Variants in B4GALT7 observed in about 807,000 individuals in gnomAD.
The protein encoded by B4GALT7 is beta-1,4-galactosyltransferase 7, also known as UDP-Gal:beta-GlcNAc beta-1,4-galactosyltransferase 7.
Under a neutral mutation model 33.0 loss-of-function variants are expected in B4GALT7, and 30 were observed. The observed-to-expected ratio is 0.91, with a 90% confidence interval of 0.68 to 1.23. The LOEUF is 1.23. Ranked by LOEUF, B4GALT7 falls within the 50% of genes most tolerant of loss-of-function variation. The pLI, the probability that B4GALT7 is intolerant of heterozygous loss-of-function variation, is 0.00. For missense variants in B4GALT7, 507 were observed against 450.8 expected (o/e 1.12, Z -1.13); for synonymous variants, 213 against 187.2 (o/e 1.14, Z -1.13).
chr5:177,608,878 A>AC lies in B4GALT7; in HGVS notation c.724-32_724-31insC, dbSNP rs754015480. ...TGAGGGCTGGGGCTCCAGGAAGGGC[A>AC]GCCTGACCCCGACTTCCTTGGACCT... On this transcript the variant is annotated intron_variant, in intron 4 of 5. Transcript: ENST00000029410. This position sits in a 1 kb window ranked among gnomAD's most constrained non-coding sequence, Gnocchi z 4.1. The AC allele has an allele frequency of 4.4e-6, 7 of 1,581,308 alleles. No individual in the cohort carries two copies. In the African/African-American group the frequency reaches 5.4e-5, roughly 12 times the overall value.
chr5:177,602,792 G>C, intron 1 of B4GALT7: 1 of 982,708 alleles, frequency 1.0e-6, no homozygotes, highest in Non-Finnish European at 1.2e-6. Flanking sequence ...AACAGAGGAG[G>C]GTCATTCAGA....
rs576233647 is a variant in B4GALT7, at chr5:177,603,883, A to C, written c.51-296A>C. Among the ~76,000 whole-genome samples the C allele has an allele frequency of 2.2e-4, 33 of 152,276 alleles. No homozygotes were observed. In the South Asian group the frequency reaches 6.6e-3, roughly 31 times the overall value. ...ATCCTTGCCCTGAGCAGCTCTGACC[A>C]GGACTCAGTCACAGAAAGTAAGAGA... On this transcript the variant is annotated intron_variant, in intron 1 of 5. Coordinates refer to ENST00000029410, the MANE Select transcript of B4GALT7 (RefSeq NM_007255.3).
chr5:177,603,438 G>C, intron 1 of B4GALT7: 1 of 905,854 alleles, frequency 1.1e-6, no homozygotes, highest in Non-Finnish European at 1.3e-6. Flanking sequence ...GTGATGTTCA[G>C]CTGTTTTTCC....
Position 177,604,555 on chromosome 5 carries a change from C to T in B4GALT7, c.413+14C>T, listed in dbSNP as rs979389519. On this transcript the variant is annotated intron_variant, in intron 2 of 5. Transcript: ENST00000029410. Reference sequence around the variant, plus strand: ...GGACCACTTCAGGTAGCGCCCGCCCCCACCCTCTCCCCTCGGCACCCCTGC... The same window carrying T: ...GGACCACTTCAGGTAGCGCCCGCCCTCACCCTCTCCCCTCGGCACCCCTGC... The T allele has an allele frequency of 1.3e-5, 21 of 1,613,504 alleles. No individual in the cohort carries two copies. The highest frequency in any genetic ancestry group is 1.7e-5 in the Non-Finnish European group (20 of 1,179,918).
At chr5:177,603,635 T>G (rs1310342055) in intron 1 of B4GALT7, among the ~76,000 whole-genome samples, 2 of 152,128 alleles carry the variant, frequency 1.3e-5, no homozygotes, top group Non-Finnish European at 2.9e-5. Flanking sequence ...TAAACATTGG[T>G]CATTTTACCT....
rs367814716 is a variant in B4GALT7, at chr5:177,609,768, G to C, written c.*73G>C. 1 of 1,538,564 alleles carries C rather than the reference G, an allele frequency of 6.5e-7. No homozygotes were observed. The highest frequency in any genetic ancestry group is 8.8e-7 in the Non-Finnish European group (1 of 1,137,678). On this transcript the variant is annotated 3_prime_UTR_variant, in exon 6 of 6. Coordinates refer to ENST00000029410, the MANE Select transcript of B4GALT7 (RefSeq NM_007255.3). ...GGCTCAGGACAAGGCCTCAGGTCGT[G>C]GGCCCAGCTCTGACAGGATGTGGAG... is the stretch of plus-strand genomic sequence containing the variant.
At position 177,609,975 on chromosome 5, in the gene B4GALT7, T is replaced by A. The variant is rs963226305; in HGVS notation, c.*280T>A. 3 of 500,700 alleles carry A rather than the reference T, an allele frequency of 6.0e-6. No individual in the cohort carries two copies. The highest frequency in any genetic ancestry group is 1.9e-5 in the African/African-American group (1 of 51,628). The allele number at this position is 500,700 out of a possible 1,614,324, so 31.0% of individuals were successfully genotyped here. A position where few individuals can be genotyped will look rare whatever the true frequency, so the allele number is the denominator to read the frequency against. On this transcript the variant is annotated 3_prime_UTR_variant, in exon 6 of 6. Coordinates refer to ENST00000029410, the MANE Select transcript of B4GALT7 (RefSeq NM_007255.3). ...CCTTCCTGCTCACCCTACTCTGACC[T>A]CCTTCACGTGCCCAGGCCTGTGGGT...
At position 177,604,489 on chromosome 5, in the gene B4GALT7, A is replaced by G; in HGVS notation, c.361A>G (p.Arg121Gly). The G allele has an allele frequency of 1.2e-6, 2 of 1,613,988 alleles. No individual in the cohort carries two copies. The change falls in exon 2 of 6, where the codon AGG (arginine) becomes GGG (glycine). Residue 121 changes from arginine to glycine, a missense_variant. Coordinates refer to ENST00000029410, the MANE Select transcript of B4GALT7 (RefSeq NM_007255.3). The stretch of plus-strand genomic sequence containing the variant: ...GCCCCACATGCGCCGCTTCCTGAGC[A>G]GGAAGAAGATCCGGCACCACATCTA... ...FVPHMRRFLSRKKIRHHIYVL... is the reference protein window; with the variant it reads ...FVPHMRRFLSGKKIRHHIYVL...
chr5:177,608,229 TG>T lies in B4GALT7; in HGVS notation c.640-305del, dbSNP rs1348819470. 1 of 419,572 alleles carries T rather than the reference TG, an allele frequency of 2.4e-6. No individual in the cohort carries two copies. Among genetic ancestry groups the T allele is most frequent in the Non-Finnish European group, 4.4e-6 (1 of 226,360 alleles). The allele number at this position is 419,572 out of a possible 1,614,324, so 26.0% of individuals were successfully genotyped here. ...GCAGGGCCACCAGGAGAAAGGGGAA[TG>T]GGGGAAGCAGAAATCAAGTAGGAGC... On this transcript the variant is annotated intron_variant, in intron 3 of 5. Transcript: ENST00000029410. This position sits in a 1 kb window ranked among gnomAD's most constrained non-coding sequence, Gnocchi z 4.1.
chr5:177,605,252 C>T (rs144355550), intron 2 of B4GALT7: 99 of 338,500 alleles, frequency 2.9e-4, no homozygotes, highest in African/African-American at 1.8e-3. Context: ...TTGCTGCTGG[C>T]GTAATCCCAG....
At chr5:177,601,840 TGA>T (rs1767858764) in intron 1 of B4GALT7, among the ~76,000 whole-genome samples, 1 of 152,106 alleles carries the variant, frequency 6.6e-6, no homozygotes, top group South Asian at 2.1e-4. Context: ...TCCACTGTCC[TGA>T]GGAATTGGGA....
At position 177,600,214 on chromosome 5, in the gene B4GALT7, T is replaced by C; in HGVS notation, c.4T>C (p.Phe2Leu). The C allele has an allele frequency of 2.9e-6, 4 of 1,389,174 alleles. No individual in the cohort carries two copies. The highest frequency in any genetic ancestry group is 3.8e-6 in the Non-Finnish European group (4 of 1,064,972). The allele number at this position is 1,389,174 out of a possible 1,614,324, so 86.1% of individuals were successfully genotyped here. Residue 2 changes from phenylalanine (F) to leucine (L), a missense_variant, in exon 1 of 6, where the codon TTC (phenylalanine) becomes CTC (leucine). By Grantham distance (22) the Phe-to-Leu change is conservative. Coordinates refer to ENST00000029410, the MANE Select transcript of B4GALT7 (RefSeq NM_007255.3). The surrounding 1 kb of genome is among the most constrained non-coding windows in gnomAD (Gnocchi z 4.4). Reference sequence around the variant, plus strand: ...TGCGCCGCCGCCTCTCCGCACGATGTTCCCCTCGCGGAGGAAAGCGGCGCA... The same window carrying C: ...TGCGCCGCCGCCTCTCCGCACGATGCTCCCCTCGCGGAGGAAAGCGGCGCA... MFPSRRKAAQLP... is the reference protein window; with the variant it reads MLPSRRKAAQLP...
chr5:177,609,855 G>A lies in B4GALT7; in HGVS notation c.*160G>A. ...CCACCCGGCCGCCAAGGCAGGCTTGGGCTGGGCCAGGACACGTGGGGTGCC... is the reference window on the plus strand; with the variant it reads ...CCACCCGGCCGCCAAGGCAGGCTTGAGCTGGGCCAGGACACGTGGGGTGCC... On this transcript the variant is annotated 3_prime_UTR_variant, in exon 6 of 6. Coordinates refer to ENST00000029410, the MANE Select transcript of B4GALT7 (RefSeq NM_007255.3). 1.1e-6 allele frequency: 1 copy of A among 944,094 alleles called. No homozygotes were observed. Among genetic ancestry groups the A allele is most frequent in the Non-Finnish European group, 1.6e-6 (1 of 624,902 alleles). The allele number at this position is 944,094 out of a possible 1,614,324, so 58.5% of individuals were successfully genotyped here. A position where few individuals can be genotyped will look rare whatever the true frequency, so the allele number is the denominator to read the frequency against.
chr5:177,603,647 G>T (rs533158394), intron 1 of B4GALT7, among the ~76,000 whole-genome samples: 22 of 152,108 alleles, frequency 1.4e-4, no homozygotes, highest in Non-Finnish European at 2.6e-4. Flanking sequence ...ATTTTACCTG[G>T]ACTAATGCCA....
chr5:177,610,034 A>C lies in B4GALT7; in HGVS notation c.*339A>C, dbSNP rs954682369. 1 of 368,270 alleles carries C rather than the reference A, an allele frequency of 2.7e-6. No homozygotes were observed. The highest frequency in any genetic ancestry group is 5.2e-6 in the Non-Finnish European group (1 of 191,306). 22.8% of individuals were successfully genotyped at this position (368,270 alleles called of 1,614,324 possible). A position where few individuals can be genotyped will look rare whatever the true frequency, so the allele number is the denominator to read the frequency against. On this transcript the variant is annotated 3_prime_UTR_variant, in exon 6 of 6. Transcript: ENST00000029410. ...GGGCTGAACAGGACAACCTCTCATC[A>C]CCCCCACTTTTGTTCCTTCCTGCTG...
Position 177,608,673 on chromosome 5 carries a change from G to T in B4GALT7, c.723+51G>T. On this transcript the variant is annotated intron_variant, in intron 4 of 5. Coordinates refer to ENST00000029410, the MANE Select transcript of B4GALT7 (RefSeq NM_007255.3). The surrounding 1 kb of genome is among the most constrained non-coding windows in gnomAD (Gnocchi z 4.1). ...ACCTCAGCTGCGGTGGCTGCCCTGAGATTTTCTTCTGTTTCCTCAGATGAA... is the reference window on the plus strand; with the variant it reads ...ACCTCAGCTGCGGTGGCTGCCCTGATATTTTCTTCTGTTTCCTCAGATGAA... The T allele has an allele frequency of 6.5e-7, 1 of 1,546,406 alleles. No homozygotes were observed. The highest frequency in any genetic ancestry group is 1.1e-5 in the South Asian group (1 of 89,464).
Position 177,608,872 on chromosome 5 carries a change from A to G in B4GALT7, c.724-38A>G. 1.3e-6 allele frequency: 2 copies of G among 1,561,970 alleles called. No homozygotes were observed. Among genetic ancestry groups the G allele is most frequent in the South Asian group, 2.2e-5 (2 of 89,984 alleles). ...TGGTGGTGAGGGCTGGGGCTCCAGGAAGGGCAGCCTGACCCCGACTTCCTT... is the reference window on the plus strand; with the variant it reads ...TGGTGGTGAGGGCTGGGGCTCCAGGGAGGGCAGCCTGACCCCGACTTCCTT... On this transcript the variant is annotated intron_variant, in intron 4 of 5. Transcript: ENST00000029410. The surrounding 1 kb of genome is among the most constrained non-coding windows in gnomAD (Gnocchi z 4.1).
Position 177,604,552 on chromosome 5 carries a change from C to T in B4GALT7, c.413+11C>T, listed in dbSNP as rs766038085. On this transcript the variant is annotated intron_variant, in intron 2 of 5. Coordinates refer to ENST00000029410, the MANE Select transcript of B4GALT7 (RefSeq NM_007255.3). ...GGTGGACCACTTCAGGTAGCGCCCG[C>T]CCCCACCCTCTCCCCTCGGCACCCC... is the stretch of plus-strand genomic sequence containing the variant. 3 of 1,613,426 alleles carry T rather than the reference C, an allele frequency of 1.9e-6. No individual in the cohort carries two copies. The highest frequency in any genetic ancestry group is 1.3e-5 in the African/African-American group (1 of 74,924).
At chr5:177,605,262 G>C (rs1457339752) in intron 2 of B4GALT7, 1 of 335,360 alleles carries the variant, frequency 3.0e-6, no homozygotes, top group Non-Finnish European at 5.9e-6. Flanking sequence ...CGTAATCCCA[G>C]CCTGATTTAC....
Sources: gnomAD v4.1 joint callset for allele counts (sites outside exome capture counted in the v4.1 genomes callset) on GRCh38, gnomAD v4.1.1 for gene constraint, Gnocchi (gnomAD v3.1) non-coding constraint, MANE v1.5 for transcripts, NCBI Gene and HGNC (gene_info 2026-07-23, HGNC 2026-07-21) for gene names.